SYNE2: variants seen among roughly 807,000 people sequenced by gnomAD.
The protein encoded by SYNE2 is spectrin repeat containing nuclear envelope protein 2.
A neutral mutation model predicts 856.3 loss-of-function variants in SYNE2; 431 were observed. The observed-to-expected ratio is 0.50, with a 90% CI of 0.47 to 0.55. The LOEUF (loss-of-function observed/expected upper bound fraction) is 0.55. SYNE2 is among the 20% of genes least tolerant of loss of function. SYNE2 has a pLI of 0.00. For synonymous variants in SYNE2, 2,923 were observed against 2,872.3 expected (o/e 1.02, Z -0.56); for missense variants, 8,129 against 8,023.2 (o/e 1.01, Z -0.50).
intron 30 of SYNE2, 145 bp downstream of exon 30, chr14:64,003,475 C>T: frequency 8.5e-7 from 1 of 1,181,760 alleles, no homozygotes; most frequent in Non-Finnish European, 1.2e-6. Context: ...TTTCTGTAGA[C>T]TTTTCAAGCA....
intron 1 of SYNE2, among the ~76,000 whole-genome samples, chr14:63,815,672 C>T (rs925795534): frequency 5.9e-5 from 9 of 152,054 alleles, no homozygotes; most frequent in African/African-American, 2.2e-4. Context: ...CAAAGCTCTG[C>T]AAGTTTATAT....
chr14:63,938,093 T>A (rs1298984916), intron 2 of SYNE2, among the ~76,000 whole-genome samples: 1 of 152,014 alleles, frequency 6.6e-6, no homozygotes, highest in African/African-American at 2.4e-5. Context: ...GACAAGTGTA[T>A]TGGAGAGGAG....
rs2096124153 is a variant in SYNE2 at position 63,949,972 on chromosome 14, G to A, written c.556G>A (p.Ala186Thr). The change falls in exon 7 of 116, where the codon GCC becomes ACC. Residue 186 changes from alanine (A) to threonine (T), a missense_variant. This residue lies in a region of SYNE2 where 2,422 missense variants were observed against 2,357.4 expected (regional missense o/e 1.03). Coordinates refer to ENST00000555002, the MANE Select transcript of SYNE2 (RefSeq NM_182914.3). ...AAGATGGCAAATGTCTGCAAGAAAG[G>A]CCCTTCTTTTGTGGGCTCAGGAACA... ...QARWQMSARK[A>T]LLLWAQEQCA... is the part of the protein sequence containing the mutation. The A allele has an allele frequency of 3.1e-6, 5 of 1,614,072 alleles. No individual in the cohort carries two copies. In the South Asian group the frequency reaches 3.3e-5, roughly 11 times the overall value.
At chr14:64,078,408 C>A in intron 54 of SYNE2, 58 bp from the exon 55 acceptor site, 1 of 1,606,790 alleles carries the variant, frequency 6.2e-7, no homozygotes, top group East Asian at 2.2e-5. Context: ...TTGTTCGAAC[C>A]TATGAATAAA....
intron 104 of SYNE2, 99 bp from the exon 105 acceptor site, chr14:64,212,712 T>C: frequency 9.1e-7 from 1 of 1,097,822 alleles, no homozygotes; most frequent in Non-Finnish European, 1.4e-6. Context: ...ACAACAATAA[T>C]GACATTTGGA....
chr14:64,198,435 TAC>T (rs2098548854), intron 99 of SYNE2, among the ~76,000 whole-genome samples: 1 of 152,228 alleles, frequency 6.6e-6, no homozygotes, highest in Non-Finnish European at 1.5e-5. Flanking sequence ...ACAGTGTCTG[TAC>T]AGAACAGAAC....
At chr14:63,781,029 C>T (rs750471382) in intron 1 of SYNE2, among the ~76,000 whole-genome samples, 6 of 152,114 alleles carry the variant, frequency 3.9e-5, no homozygotes, top group Non-Finnish European at 8.8e-5. Context: ...GTAATCCCAG[C>T]CCTTTGGGAG....
intron 10 of SYNE2, 74 bp from the exon 11 acceptor site, chr14:63,967,635 C>T: frequency 6.7e-7 from 1 of 1,484,960 alleles, no homozygotes. Flanking sequence ...TACCTATAGA[C>T]CTCAAAATAA....
At chr14:64,150,363 G>C (rs1368995719) in intron 84 of SYNE2, among the ~76,000 whole-genome samples, 1 of 149,054 alleles carries the variant, frequency 6.7e-6, no homozygotes, top group Non-Finnish European at 1.5e-5. Flanking sequence ...GGGACTGTAG[G>C]CGTGTGCCAC....
At chr14:64,091,686 A>C (rs953312549) in intron 60 of SYNE2, among the ~76,000 whole-genome samples, 1 of 151,746 alleles carries the variant, frequency 6.6e-6, no homozygotes, top group Non-Finnish European at 1.5e-5. Flanking sequence ...TTAAATCACT[A>C]CTCTCCATCA....
In SYNE2 at chr14:64,225,026, G is replaced by GAGGAGGAGACAGAGAGCAGGTA. The variant is rs2098712389; in HGVS notation, c.20499_20516+4dup. 1.9e-6 allele frequency: 3 copies of GAGGAGGAGACAGAGAGCAGGTA among 1,613,740 alleles called. No individual in the cohort carries two copies. The African/African-American group carries it at 4.0e-5, about 22-fold the overall frequency. On this transcript the variant is annotated stop_gained and frameshift_variant, in exon 115 of 116. Coordinates refer to ENST00000555002, the MANE Select transcript of SYNE2 (RefSeq NM_182914.3). LOFTEE classifies it high-confidence loss of function. ...CAGAGCAGTGAGAACTACAGAAGGC[G>GAGGAGGAGACAGAGAGCAGGTA]AGGAGGAGACAGAGAGCAGGTAACG...
At chr14:64,213,078 T>G in intron 105 of SYNE2, 73 bp downstream of exon 105, 1 of 1,490,856 alleles carries the variant, frequency 6.7e-7, no homozygotes, top group Non-Finnish European at 9.3e-7. Context: ...TTTAAAGAAT[T>G]AGGGGACCTG....
At chr14:63,971,191 A>G (rs2096472219) in intron 11 of SYNE2, among the ~76,000 whole-genome samples, 2 of 150,914 alleles carry the variant, frequency 1.3e-5, no homozygotes, top group Non-Finnish European at 2.9e-5. Flanking sequence ...GGCTAACTGC[A>G]ACCTCTGCTT....
Position 64,026,678 on chromosome 14 carries a change from G to A in SYNE2, c.6352G>A (p.Asp2118Asn). ...CCCGCTGGTTCAGAAGACCCTCACT[G>A]ACATCAGCAACCAGTGGGACAACAC... ...EAPLVQKTLT[D>N]ISNQWDNTLH... Residue 2118 changes from aspartate to asparagine, a missense_variant, in exon 42 of 116, where the codon GAC (aspartate) becomes AAC (asparagine). Physicochemically the swap from Asp to Asn is conservative, Grantham distance 23. Around this residue, in one of 3 missense-constraint regions of SYNE2, gnomAD observed 297 missense variants for 380.9 expected, o/e 0.78. Transcript: ENST00000555002. 6.2e-7 allele frequency: 1 copy of A among 1,612,686 alleles called. No individual in the cohort carries two copies. Among genetic ancestry groups the A allele is most frequent in the Non-Finnish European group, 8.5e-7 (1 of 1,179,320 alleles).
chr14:64,045,797 G>T (rs1389208403), intron 45 of SYNE2, among the ~76,000 whole-genome samples: 1 of 152,208 alleles, frequency 6.6e-6, no homozygotes, highest in Non-Finnish European at 1.5e-5. Context: ...GTTAAAACTG[G>T]TGAAGCTCCA....
intron 21 of SYNE2, among the ~76,000 whole-genome samples, chr14:63,992,121 T>C (rs1201725311): frequency 1.3e-5 from 2 of 152,098 alleles, no homozygotes; most frequent in Non-Finnish European, 2.9e-5. Flanking sequence ...TTTTTTATTT[T>C]CACTTTTACT....
At chr14:64,182,824 T>G (rs2098465188) in intron 96 of SYNE2, among the ~76,000 whole-genome samples, 1 of 152,266 alleles carries the variant, frequency 6.6e-6, no homozygotes, top group Non-Finnish European at 1.5e-5. Context: ...TTCTCTATCT[T>G]TTCCCCACAT....
intron 63 of SYNE2, among the ~76,000 whole-genome samples, chr14:64,100,533 T>A (rs68064562): frequency 0.11 from 3,675 of 33,042 alleles, 141 homozygotes; most frequent in African/African-American, 0.13. Context: ...AAAAAAAAAA[T>A]ATATATATAT....
chr14:63,854,170 T>A (rs1891157746), intron 1 of SYNE2, among the ~76,000 whole-genome samples: 1 of 151,744 alleles, frequency 6.6e-6, no homozygotes, highest in Admixed American at 6.6e-5. Flanking sequence ...TCACTTTTTT[T>A]TTTTTTTTTG....
Sources: gnomAD v4.1 joint callset for allele counts (sites outside exome capture counted in the v4.1 genomes callset) on GRCh38, gnomAD v4.1.1 for gene constraint, gnomAD v4.1.1 regional missense constraint, MANE v1.5 for transcripts, NCBI Gene and HGNC (gene_info 2026-07-23, HGNC 2026-07-21) for gene names.